QTMAN: variants seen among roughly 807,000 people sequenced by gnomAD.
QTMAN encodes the protein queuosine-tRNA mannosyltransferase.
At chr2:144,106,877 G>A in the QTMAN span, among the ~76,000 whole-genome samples, 1 of 152,150 alleles carries the variant, frequency 6.6e-6, no homozygotes, top group Non-Finnish European at 1.5e-5. Context: ...CTCAGCAAAT[G>A]TAAAAGAACA....
chr2:144,245,655 T>C, the QTMAN span, among the ~76,000 whole-genome samples: 1 of 152,216 alleles, frequency 6.6e-6, no homozygotes, highest in Non-Finnish European at 1.5e-5. Flanking sequence ...TCATCATTAC[T>C]ATTAATCATC....
chr2:144,092,795 T>C, the QTMAN span, among the ~76,000 whole-genome samples: 39 of 152,144 alleles, frequency 2.6e-4, no homozygotes, highest in East Asian at 6.8e-3. Flanking sequence ...AAACATATTA[T>C]ATATCATAGG....
the QTMAN span, among the ~76,000 whole-genome samples, chr2:144,143,150 A>C: frequency 6.6e-6 from 1 of 152,116 alleles, no homozygotes; most frequent in Non-Finnish European, 1.5e-5. Context: ...CTAAGCTATG[A>C]TGTCTGATAG....
chr2:143,989,745 G>A, the QTMAN span, among the ~76,000 whole-genome samples: 1 of 152,116 alleles, frequency 6.6e-6, no homozygotes, highest in Non-Finnish European at 1.5e-5. Flanking sequence ...GACTAGAAGA[G>A]TGAGATGTGG....
chr2:144,104,063 C>G, the QTMAN span, among the ~76,000 whole-genome samples: 1 of 152,174 alleles, frequency 6.6e-6, no homozygotes, highest in South Asian at 2.1e-4. Context: ...GCACTCCAGT[C>G]TGGGCAACAG....
chr2:144,131,936 A>G, the QTMAN span, among the ~76,000 whole-genome samples: 10 of 152,050 alleles, frequency 6.6e-5, no homozygotes, highest in Admixed American at 6.6e-4. Context: ...GGCACTTGAT[A>G]AAGGATATCC....
At chr2:144,291,150 A>C in the QTMAN span, among the ~76,000 whole-genome samples, 8 of 152,156 alleles carry the variant, frequency 5.3e-5, no homozygotes, top group Admixed American at 2.6e-4. Flanking sequence ...TTATAAGGAC[A>C]CCAGTCATAT....
the QTMAN span, among the ~76,000 whole-genome samples, chr2:144,048,223 A>T: frequency 1.3e-5 from 2 of 152,200 alleles, no homozygotes; most frequent in African/African-American, 4.8e-5. Context: ...CATTATACAT[A>T]ATACAGCCAA....
At chr2:144,258,916 G>A in the QTMAN span, among the ~76,000 whole-genome samples, 3 of 152,174 alleles carry the variant, frequency 2.0e-5, no homozygotes, top group Admixed American at 1.3e-4. Flanking sequence ...AAACAAGGCT[G>A]CTTTAATGCT....
At chr2:144,253,947 G>A in the QTMAN span, among the ~76,000 whole-genome samples, 1 of 152,218 alleles carries the variant, frequency 6.6e-6, no homozygotes, top group African/African-American at 2.4e-5. Context: ...TTCCTGGGCT[G>A]GGTCCAAACT....
the QTMAN span, among the ~76,000 whole-genome samples, chr2:144,269,087 C>A: frequency 6.6e-6 from 1 of 152,220 alleles, no homozygotes; most frequent in African/African-American, 2.4e-5. Flanking sequence ...CTGCACTCGG[C>A]CCCCAAGTTT....
chr2:144,283,205 T>A, the QTMAN span, among the ~76,000 whole-genome samples: 6 of 152,230 alleles, frequency 3.9e-5, no homozygotes, highest in Non-Finnish European at 7.3e-5. Context: ...GATAGCCTAC[T>A]ACTTGAGATT....
At chr2:144,281,514 T>G in the QTMAN span, among the ~76,000 whole-genome samples, 2 of 151,200 alleles carry the variant, frequency 1.3e-5, no homozygotes, top group Non-Finnish European at 2.9e-5. Context: ...TGAACTATAG[T>G]AGTGGTGTTA....
chr2:144,001,476 A>G, the QTMAN span, among the ~76,000 whole-genome samples: 1 of 151,926 alleles, frequency 6.6e-6, no homozygotes, highest in Non-Finnish European at 1.5e-5. Context: ...AAATGCTGCA[A>G]ATACCGTATA....
the QTMAN span, among the ~76,000 whole-genome samples, chr2:143,950,284 T>C: frequency 6.6e-6 from 1 of 151,764 alleles, no homozygotes; most frequent in Admixed American, 6.6e-5. Flanking sequence ...AGGAACAATT[T>C]GGTATATTAA....
At chr2:144,078,761 A>T in the QTMAN span, among the ~76,000 whole-genome samples, 1 of 152,164 alleles carries the variant, frequency 6.6e-6, no homozygotes, top group Non-Finnish European at 1.5e-5. Context: ...GCATCTTCAT[A>T]AAAATATTAT....
the QTMAN span, among the ~76,000 whole-genome samples, chr2:144,110,285 G>A: frequency 1.3e-5 from 2 of 152,218 alleles, no homozygotes; most frequent in African/African-American, 4.8e-5. Flanking sequence ...GCAAACTATT[G>A]CAAGGACAAA....
At chr2:143,954,245 C>CT in the QTMAN span, among the ~76,000 whole-genome samples, 8 of 151,962 alleles carry the variant, frequency 5.3e-5, no homozygotes, top group Non-Finnish European at 8.8e-5. Flanking sequence ...AAAATATGCA[C>CT]TTTATCTAAA....
the QTMAN span, chr2:143,951,924 T>C: frequency 1.2e-6 from 1 of 836,680 alleles, no homozygotes; most frequent in Non-Finnish European, 2.0e-6. Context: ...TTTTTTAAGA[T>C]TTTTCTTTGT....
Sources: gnomAD v4.1 joint callset for allele counts (sites outside exome capture counted in the v4.1 genomes callset) on GRCh38, gnomAD v4.1.1 for gene constraint, MANE v1.5 for transcripts, NCBI Gene and HGNC (gene_info 2026-07-23, HGNC 2026-07-21) for gene names.